The following HIRA variants were observed in gnomAD, a reference collection of about 807,000 sequenced individuals.
HIRA encodes histone cell cycle regulator.
HIRA carries 13 observed loss-of-function variants against 126.6 expected under a neutral mutation model. That is an observed-to-expected ratio of 0.10 (90% CI 0.07 to 0.16). The LOEUF (loss-of-function observed/expected upper bound fraction) is 0.16. HIRA is among the 10% of genes least tolerant of loss of function. The probability of loss-of-function intolerance (pLI) is 1.00; values close to 1 mark genes in which losing one functional copy is unlikely to be tolerated. For synonymous variants in HIRA, 511 were observed against 520.0 expected (o/e 0.98, Z 0.24); for missense variants, 834 against 1,314.4 (o/e 0.63, Z 5.65).
In HIRA at chr22:19,354,846, C is replaced by T. The variant is rs1300757012; in HGVS notation, c.2562-728G>A. ...GCAGTAGTGTGATTACAGCTCACTG[C>T]AGCCTCGACCTCCTGGGCTCAAGGG... On this transcript the variant is annotated intron_variant, in intron 21 of 24. Transcript: ENST00000263208. Among the ~76,000 whole-genome samples the T allele has an allele frequency of 3.3e-5, 5 of 152,110 alleles. No homozygotes were observed. The East Asian group carries it at 9.6e-4, about 29-fold the overall frequency.
intron 1 of HIRA, among the ~76,000 whole-genome samples, chr22:19,424,397 C>T (rs1465037308): frequency 6.6e-6 from 1 of 152,218 alleles, no homozygotes. Flanking sequence ...CGATACCCCA[C>T]AACCAGAGAA....
intron 9 of HIRA, 87 bp from the exon 10 acceptor site, chr22:19,388,641 C>G (rs1040924189): frequency 7.8e-6 from 8 of 1,026,988 alleles, no homozygotes; most frequent in Non-Finnish European, 1.2e-5. Context: ...ACCTAGAAGC[C>G]TGGGTCAAAG....
rs1369396099 is a variant in HIRA, at chr22:19,392,182, C to A, written c.855G>T (p.Gln285His). 1.9e-6 allele frequency: 3 copies of A among 1,609,098 alleles called. No individual in the cohort carries two copies. The Admixed American group carries it at 5.0e-5, about 27-fold the overall frequency. ...KFNPKIFKKK[Q>H]KNGSSAKPSC... ...TAGGCTTCGCAGAACTCCCATTCTT[C>A]TGCTTCTTTTTGAAGATTTTTGGGT... The change falls in exon 9 of 25, where the codon CAG becomes CAT. Residue 285 changes from glutamine (Q) to histidine (H), a missense_variant. Gln to His is a conservative substitution (Grantham distance 24, BLOSUM62 0). Coordinates refer to ENST00000263208, the MANE Select transcript of HIRA (RefSeq NM_003325.4).
At chr22:19,427,392 C>T (rs2089497208) in intron 1 of HIRA, among the ~76,000 whole-genome samples, 1 of 152,232 alleles carries the variant, frequency 6.6e-6, no homozygotes, top group Non-Finnish European at 1.5e-5. Context: ...GCAGGCTGGA[C>T]CTTACCCACC....
chr22:19,357,393 G>A (rs2088822959), intron 18 of HIRA, among the ~76,000 whole-genome samples: 1 of 152,186 alleles, frequency 6.6e-6, no homozygotes, highest in African/African-American at 2.4e-5. Context: ...AGGCCACATA[G>A]TACCCACAGG....
chr22:19,414,616 TC>T (rs1267203368), intron 1 of HIRA, among the ~76,000 whole-genome samples: 1 of 152,240 alleles, frequency 6.6e-6, no homozygotes, highest in African/African-American at 2.4e-5. Flanking sequence ...TGGGAACACT[TC>T]CTGCACTGCC....
Position 19,385,574 on chromosome 22 carries a change from C to T in HIRA, c.1276G>A (p.Ala426Thr). ...KSAATREMGSATSVAGVVNGE... is the reference protein window; with the variant it reads ...KSAATREMGSTTSVAGVVNGE... ...TTGACAACGCCTGCGACTGAGGTGG[C>T]TGAGCCCATCTCCCTGGTCGCAGCA... The change falls in exon 12 of 25, where the codon GCC becomes ACC. Residue 426 changes from alanine (A) to threonine (T), a missense_variant. By Grantham distance (58) the Ala-to-Thr change is moderately conservative. Coordinates refer to ENST00000263208, the MANE Select transcript of HIRA (RefSeq NM_003325.4). 1 of 1,614,174 alleles carries T rather than the reference C, an allele frequency of 6.2e-7. No individual in the cohort carries two copies. Among genetic ancestry groups the T allele is most frequent in the Non-Finnish European group, 8.5e-7 (1 of 1,180,048 alleles).
intron 1 of HIRA, among the ~76,000 whole-genome samples, chr22:19,423,480 C>CAA (rs2089464146): frequency 1.9e-5 from 2 of 106,798 alleles, no homozygotes; most frequent in African/African-American, 4.0e-5. Flanking sequence ...CACACACATG[C>CAA]ATACACACAC....
intron 24 of HIRA, 95 bp from the exon 25 acceptor site, chr22:19,331,651 C>T: frequency 5.2e-6 from 6 of 1,164,744 alleles, no homozygotes; most frequent in South Asian, 4.5e-5. Context: ...TGTGTCTGCT[C>T]ACGGGAGAAG....
At chr22:19,353,903 G>GA in intron 22 of HIRA, 93 bp downstream of exon 22, 1 of 1,467,776 alleles carries the variant, frequency 6.8e-7, no homozygotes, top group Non-Finnish European at 9.2e-7. Flanking sequence ...GGCAGGTGGA[G>GA]ACCAGGCCTG....
chr22:19,374,767 A>T (rs1337568549), intron 15 of HIRA, among the ~76,000 whole-genome samples: 1 of 152,198 alleles, frequency 6.6e-6, no homozygotes, highest in East Asian at 1.9e-4. Context: ...GTTTCTGACC[A>T]GTGTCCTTGT....
At chr22:19,416,899 A>G (rs1052055107) in intron 1 of HIRA, among the ~76,000 whole-genome samples, 1 of 152,208 alleles carries the variant, frequency 6.6e-6, no homozygotes, top group Non-Finnish European at 1.5e-5. Flanking sequence ...GCATTTCTCC[A>G]AAGAAGATAT....
rs1168593459 is a variant in HIRA, at chr22:19,418,610, A to G, written c.38-7832T>C. On this transcript the variant is annotated intron_variant, in intron 1 of 24. Coordinates refer to ENST00000263208, the MANE Select transcript of HIRA (RefSeq NM_003325.4). ...TCGCGCCTGTTCCAGCCTGGGCAAC[A>G]GAGCGAGACTCTGTCTCAAAAAAAT... 1.7e-4 allele frequency among the ~76,000 whole-genome samples: 26 copies of G among 150,584 alleles called. 1 individual carries two copies. In the South Asian group the frequency reaches 5.3e-3, roughly 31 times the overall value.
intron 1 of HIRA, among the ~76,000 whole-genome samples, chr22:19,415,553 C>T: frequency 6.6e-6 from 1 of 152,138 alleles, no homozygotes. Context: ...CTTTGGGAGG[C>T]TGAGGTGGGT....
At chr22:19,377,053 G>C (rs972222049) in intron 14 of HIRA, among the ~76,000 whole-genome samples, 16 of 152,334 alleles carry the variant, frequency 1.1e-4, no homozygotes, top group Middle Eastern at 3.4e-3. Flanking sequence ...TCAGGGGACT[G>C]GGGGGCTGCT....
chr22:19,333,137 A>G (rs1458473744), intron 24 of HIRA, among the ~76,000 whole-genome samples: 1 of 152,120 alleles, frequency 6.6e-6, no homozygotes, highest in Non-Finnish European at 1.5e-5. Context: ...CAAACTCCTG[A>G]GCTCAAGTGA....
intron 15 of HIRA, among the ~76,000 whole-genome samples, chr22:19,368,801 G>A (rs1601822834): frequency 6.6e-6 from 1 of 152,236 alleles, no homozygotes; most frequent in East Asian, 1.9e-4. Context: ...GTGGCTTCCT[G>A]AGCTCACCAC....
At chr22:19,389,995 G>GAA (rs66853562) in intron 9 of HIRA, among the ~76,000 whole-genome samples, 23 of 142,412 alleles carry the variant, frequency 1.6e-4, no homozygotes, top group East Asian at 4.1e-4. Flanking sequence ...TTTACAAAAT[G>GAA]AAAAAAAAAA....
In HIRA at chr22:19,378,027, C is replaced by T. The variant is rs370775985; in HGVS notation, c.1455G>A (p.Ser485=). The T allele has an allele frequency of 7.5e-6, 12 of 1,600,232 alleles. No individual in the cohort carries two copies. The highest frequency in any genetic ancestry group is 4.0e-5 in the African/African-American group (3 of 74,416). The part of the protein sequence containing the change: ...STAFFNSIPL[S]GSLAGTMLSS... ...AGAGCATGGTGCCCGCCAGGGAGCC[C>T]GAGAGGGGGATGCTGTTAAAGAATG... Residue 485 remains serine (S), a synonymous_variant, in exon 14 of 25, where the codon TCG becomes TCA. Transcript: ENST00000263208.
Sources: gnomAD v4.1 joint callset for allele counts (sites outside exome capture counted in the v4.1 genomes callset) on GRCh38, gnomAD v4.1.1 for gene constraint, MANE v1.5 for transcripts, NCBI Gene and HGNC (gene_info 2026-07-23, HGNC 2026-07-21) for gene names.